The following ZFAND3 variants were observed in gnomAD, a reference collection of about 807,000 sequenced individuals.
The protein encoded by ZFAND3 is AN1-type zinc finger protein 3.
ZFAND3 carries 10 observed loss-of-function variants against 29.6 expected under a neutral mutation model. The ratio of observed to expected loss-of-function variants is 0.34; its 90% CI spans 0.21 to 0.57. The LOEUF (loss-of-function observed/expected upper bound fraction) is 0.57, where lower values mean the gene tolerates loss of function less well. Among genes scored for constraint, ZFAND3 ranks in the 20% least tolerant of loss-of-function variants. ZFAND3 has a pLI of 0.86. For synonymous variants in ZFAND3, 128 were observed against 112.6 expected (o/e 1.14, Z -0.87); for missense variants, 230 against 304.5 (o/e 0.76, Z 1.82).
chr6:38,154,376 G>A lies in ZFAND3; in HGVS notation c.*1987G>A. 5 of 777,498 alleles carry A rather than the reference G, an allele frequency of 6.4e-6. No homozygotes were observed. The South Asian group carries it at 2.3e-4, about 36-fold the overall frequency. The allele number at this position is 777,498 out of a possible 1,614,324, so 48.2% of individuals were successfully genotyped here. A position where few individuals can be genotyped will look rare whatever the true frequency, so the allele number is the denominator to read the frequency against. On this transcript the variant is annotated 3_prime_UTR_variant, in exon 6 of 6. Transcript: ENST00000287218. Reference sequence around the variant, plus strand: ...TGTTCGCTTCCTGACTTAGAGCTGGGGGGGGTGGGGGGTGGGGCTTGTTCC... The same window carrying A: ...TGTTCGCTTCCTGACTTAGAGCTGGAGGGGGTGGGGGGTGGGGCTTGTTCC...
chr6:37,951,611 A>G (rs141436283), intron 2 of ZFAND3, among the ~76,000 whole-genome samples: 7,690 of 152,174 alleles, frequency 0.051, 249 homozygotes, highest in Non-Finnish European at 0.071. Flanking sequence ...AAAAATAAAG[A>G]TTAAAAAAAC....
chr6:38,138,531 A>G (rs1483112781), intron 5 of ZFAND3, among the ~76,000 whole-genome samples: 2 of 152,198 alleles, frequency 1.3e-5, no homozygotes. Flanking sequence ...TGGTGGAGCC[A>G]TCGGCCTCAC....
chr6:38,043,191 G>A (rs910406017), intron 2 of ZFAND3, among the ~76,000 whole-genome samples: 1 of 151,354 alleles, frequency 6.6e-6, no homozygotes, highest in Non-Finnish European at 1.5e-5. Context: ...CTCTCATCTC[G>A]TCTTGTCTTG....
chr6:37,905,926 A>G (rs1765398638), intron 1 of ZFAND3, among the ~76,000 whole-genome samples: 1 of 152,130 alleles, frequency 6.6e-6, no homozygotes, highest in Admixed American at 6.6e-5. Flanking sequence ...CATACCTATA[A>G]TATGATCTAT....
intron 1 of ZFAND3, chr6:37,833,113 TA>T (rs1763895286): frequency 6.6e-6 from 1 of 152,196 alleles, no homozygotes; most frequent in African/African-American, 2.4e-5. Context: ...CTGATCAGCA[TA>T]ATGCAGTACT....
intron 4 of ZFAND3, among the ~76,000 whole-genome samples, chr6:38,088,540 A>T (rs1437145746): frequency 6.6e-6 from 1 of 152,172 alleles, no homozygotes; most frequent in Admixed American, 6.5e-5. Context: ...ATTGCTTGTA[A>T]CTCAAAGGGT....
chr6:37,877,740 C>T (rs1477837942), intron 1 of ZFAND3, among the ~76,000 whole-genome samples: 1 of 152,156 alleles, frequency 6.6e-6, no homozygotes, highest in Non-Finnish European at 1.5e-5. Context: ...GTGTTCCAAA[C>T]ACTACAAAGT....
At chr6:37,824,555 A>G (rs1763725332) in intron 1 of ZFAND3, among the ~76,000 whole-genome samples, 1 of 152,236 alleles carries the variant, frequency 6.6e-6, no homozygotes, top group Non-Finnish European at 1.5e-5. Flanking sequence ...ACAATTGGAG[A>G]TAATCTCGTG....
Position 37,855,780 on chromosome 6 carries a change from C to T in ZFAND3, c.71+35764C>T, listed in dbSNP as rs115594547. Reference sequence around the variant, plus strand: ...TAGACCTTCATGTACTTTGCATATACACAGTGTACTTCGTTGGTGCCTCAG... The same window carrying T: ...TAGACCTTCATGTACTTTGCATATATACAGTGTACTTCGTTGGTGCCTCAG... On this transcript the variant is annotated intron_variant, in intron 1 of 5. Coordinates refer to ENST00000287218, the MANE Select transcript of ZFAND3 (RefSeq NM_021943.3). 5.0e-3 allele frequency among the ~76,000 whole-genome samples: 762 copies of T among 152,290 alleles called. 8 individuals carry two copies. The highest frequency in any genetic ancestry group is 0.015 in the African/African-American group (630 of 41,558).
At chr6:37,829,027 G>C (rs1763811570) in intron 1 of ZFAND3, among the ~76,000 whole-genome samples, 1 of 152,150 alleles carries the variant, frequency 6.6e-6, no homozygotes, top group African/African-American at 2.4e-5. Flanking sequence ...ATGTGTTCGT[G>C]TGTGAAACTT....
At chr6:37,916,696 C>G (rs1405485577) in intron 1 of ZFAND3, among the ~76,000 whole-genome samples, 4 of 152,228 alleles carry the variant, frequency 2.6e-5, no homozygotes, top group African/African-American at 9.6e-5. Context: ...TGTATAATTA[C>G]AGTGGTCTCC....
intron 4 of ZFAND3, among the ~76,000 whole-genome samples, chr6:38,105,437 A>G (rs1465633470): frequency 6.6e-6 from 1 of 152,198 alleles, no homozygotes; most frequent in Admixed American, 6.5e-5. Flanking sequence ...GTTTGGACAC[A>G]TGGGTTGTGT....
chr6:37,987,188 T>C (rs1762685969), intron 2 of ZFAND3, among the ~76,000 whole-genome samples: 1 of 152,024 alleles, frequency 6.6e-6, no homozygotes, highest in African/African-American at 2.4e-5. Flanking sequence ...TAGAAGTGAG[T>C]GGCCAGTGGA....
chr6:37,876,270 T>A (rs56958593), intron 1 of ZFAND3, among the ~76,000 whole-genome samples: 4,533 of 152,290 alleles, frequency 0.03, 177 homozygotes, highest in African/African-American at 0.086. Context: ...ACTTTTAGAA[T>A]CCCGTAGGCA....
At chr6:38,147,482 T>A (rs1766134166) in intron 5 of ZFAND3, among the ~76,000 whole-genome samples, 1 of 152,232 alleles carries the variant, frequency 6.6e-6, no homozygotes, top group South Asian at 2.1e-4. Flanking sequence ...ATATATTGAC[T>A]TTTTTTCCTT....
intron 3 of ZFAND3, among the ~76,000 whole-genome samples, chr6:38,080,837 C>T (rs1251199960): frequency 6.6e-6 from 1 of 152,080 alleles, no homozygotes; most frequent in African/African-American, 2.4e-5. Flanking sequence ...TCTTCTTGTT[C>T]CCTGTTTTCA....
rs144208356 is a variant in ZFAND3 at position 38,053,110 on chromosome 6, A to G, written c.113-8483A>G. 9.3e-4 allele frequency among the ~76,000 whole-genome samples: 142 copies of G among 152,142 alleles called. No homozygotes were observed. In the East Asian group the frequency reaches 0.024, roughly 26 times the overall value. On this transcript the variant is annotated intron_variant, in intron 2 of 5. Coordinates refer to ENST00000287218, the MANE Select transcript of ZFAND3 (RefSeq NM_021943.3). ...AGAGCATGGAGTGTCTGAAAAACCA[A>G]GAGCACTGGAGATGGCTAAAGCAAG...
chr6:38,008,401 G>A (rs922753277), intron 2 of ZFAND3, among the ~76,000 whole-genome samples: 4 of 152,078 alleles, frequency 2.6e-5, no homozygotes, highest in African/African-American at 9.7e-5. Flanking sequence ...CACAAATAGA[G>A]GAACATTTTT....
At chr6:38,010,599 CTTT>C (rs759693005) in intron 2 of ZFAND3, among the ~76,000 whole-genome samples, 1 of 139,350 alleles carries the variant, frequency 7.2e-6, no homozygotes, top group Non-Finnish European at 1.6e-5. Flanking sequence ...CGCCCCCAAC[CTTT>C]TTTTTTTTTT....
Sources: gnomAD v4.1 joint callset for allele counts (sites outside exome capture counted in the v4.1 genomes callset) on GRCh38, gnomAD v4.1.1 for gene constraint, MANE v1.5 for transcripts, NCBI Gene and HGNC (gene_info 2026-07-23, HGNC 2026-07-21) for gene names.